Variants in KDM2B observed in about 807,000 individuals in gnomAD.
The protein encoded by KDM2B is lysine demethylase 2B.
In KDM2B, 26 loss-of-function variants were observed where a neutral mutation model predicts 150.0. The ratio of observed to expected loss-of-function variants is 0.17; its 90% CI spans 0.13 to 0.24. The LOEUF (loss-of-function observed/expected upper bound fraction) is 0.24. Among genes scored for constraint, KDM2B ranks in the 10% least tolerant of loss-of-function variants. The pLI, the probability that KDM2B is intolerant of heterozygous loss-of-function variation, is 1.00. For synonymous variants in KDM2B, 734 were observed against 729.5 expected (o/e 1.01, Z -0.10); for missense variants, 1,265 against 1,816.9 (o/e 0.70, Z 5.52).
At chr12:121,574,054 C>T (rs1412076842) in intron 4 of KDM2B, among the ~76,000 whole-genome samples, 5 of 152,222 alleles carry the variant, frequency 3.3e-5, no homozygotes, top group Non-Finnish European at 7.4e-5. Context: ...TACTACTGGC[C>T]GAGCGTCCAG....
At position 121,533,632 on chromosome 12, in the gene KDM2B, A is replaced by G. The variant is rs1254366688; in HGVS notation, c.778-673T>C. On this transcript the variant is annotated intron_variant, in intron 7 of 22. Transcript: ENST00000377071. This position sits in a 1 kb window ranked among gnomAD's most constrained non-coding sequence, Gnocchi z 4.1. ...TAAAGTAAAAAGGTCCCAGGGCAGG[A>G]GCTGAGATGACAGCCAGAGAAGATG... is the stretch of plus-strand genomic sequence containing the variant. Among the ~76,000 whole-genome samples the G allele has an allele frequency of 1.3e-4, 20 of 152,304 alleles. No individual in the cohort carries two copies. The highest frequency in any genetic ancestry group is 7.2e-4 in the Admixed American group (11 of 15,296).
intron 11 of KDM2B, among the ~76,000 whole-genome samples, chr12:121,496,634 A>G (rs1187586633): frequency 2.6e-5 from 4 of 151,920 alleles, no homozygotes; most frequent in African/African-American, 9.7e-5. Flanking sequence ...AGCCGGGACT[A>G]CAAGTGCGTA....
chr12:121,418,948 C>G, the KDM2B span, among the ~76,000 whole-genome samples: 6 of 152,302 alleles, frequency 3.9e-5, no homozygotes, highest in East Asian at 1.2e-3. Flanking sequence ...CTCAGGTTAT[C>G]TACCTGCCTT....
chr12:121,495,892 G>A (rs1048930229), intron 11 of KDM2B, among the ~76,000 whole-genome samples: 2 of 151,650 alleles, frequency 1.3e-5, no homozygotes, highest in Non-Finnish European at 1.5e-5. Context: ...AATGGGCTGC[G>A]TTGGACGGAC....
At chr12:121,483,326 G>A (rs1882366717) in intron 12 of KDM2B, among the ~76,000 whole-genome samples, 1 of 152,010 alleles carries the variant, frequency 6.6e-6, no homozygotes. Context: ...CAAGATGCTA[G>A]TGGAGGCTCC....
chr12:121,562,043 G>A (rs1219325573), intron 4 of KDM2B, among the ~76,000 whole-genome samples: 2 of 151,260 alleles, frequency 1.3e-5, no homozygotes, highest in Admixed American at 6.6e-5. Context: ...GTGGTGGTGC[G>A]AGCCTATAAT....
intron 13 of KDM2B, among the ~76,000 whole-genome samples, chr12:121,447,931 G>A (rs1243609483): frequency 6.6e-6 from 1 of 151,502 alleles, no homozygotes; most frequent in Non-Finnish European, 1.5e-5. Context: ...TGTTGTGATT[G>A]CAGGCATTAG....
chr12:121,534,413 TG>T (rs2141577060), intron 7 of KDM2B, 83 bp downstream of exon 7: 2 of 919,428 alleles, frequency 2.2e-6, no homozygotes, highest in Non-Finnish European at 3.5e-6. Flanking sequence ...AGGAGGGAGG[TG>T]GGAGGAGAGG....
At position 121,476,715 on chromosome 12, in the gene KDM2B, C is replaced by T. The variant is rs141403751; in HGVS notation, c.1734+17864G>A. Among the ~76,000 whole-genome samples the T allele has an allele frequency of 3.5e-4, 54 of 152,188 alleles. 1 individual carries two copies. The South Asian group carries it at 6.9e-3, about 19-fold the overall frequency. ...TAATTCCAATACATATGGCTTTTCT[C>T]TCCCTCCTTCCTTCCCTCCCTCCTC... On this transcript the variant is annotated intron_variant, in intron 12 of 22. Coordinates refer to ENST00000377071, the MANE Select transcript of KDM2B (RefSeq NM_032590.5).
chr12:121,442,686 G>C lies in KDM2B; in HGVS notation c.2755C>G (p.Pro919Ala). 1 of 1,600,370 alleles carries C rather than the reference G, an allele frequency of 6.2e-7. No homozygotes were observed. Among genetic ancestry groups the C allele is most frequent in the Non-Finnish European group, 8.5e-7 (1 of 1,174,094 alleles). The change falls in exon 19 of 23, where the codon CCC becomes GCC. Residue 919 changes from proline to alanine, a missense_variant. Coordinates refer to ENST00000377071, the MANE Select transcript of KDM2B (RefSeq NM_032590.5). This position sits in a 1 kb window ranked among gnomAD's most constrained non-coding sequence, Gnocchi z 7.7. Reference protein sequence around the residue: ...HSRSSSPTAGPSTEGAEGPEE... With the variant: ...HSRSSSPTAGASTEGAEGPEE... Reference sequence around the variant, plus strand: ...GGGCCCTCGGCCCCTTCGGTGCTGGGTCCCGCGGTGGGGGAGCTGGAGCGG... The same window carrying C: ...GGGCCCTCGGCCCCTTCGGTGCTGGCTCCCGCGGTGGGGGAGCTGGAGCGG...
At chr12:121,477,651 C>T (rs782532044) in intron 12 of KDM2B, among the ~76,000 whole-genome samples, 27 of 145,030 alleles carry the variant, frequency 1.9e-4, no homozygotes, top group Non-Finnish European at 3.6e-4. Context: ...GATCTCGGTT[C>T]ACTGCAACTT....
intron 12 of KDM2B, among the ~76,000 whole-genome samples, chr12:121,478,896 T>G (rs1321932573): frequency 4.1e-5 from 1 of 24,320 alleles, no homozygotes; most frequent in African/African-American, 1.5e-4. Flanking sequence ...GTGTGTGTGT[T>G]TTGTAGAGAC....
chr12:121,420,166 C>T, the KDM2B span: 3 of 1,298,874 alleles, frequency 2.3e-6, no homozygotes, highest in Non-Finnish European at 3.3e-6. Flanking sequence ...TCATGGGGAG[C>T]ATCAATGACA....
At chr12:121,519,201 C>T (rs370835056) in intron 9 of KDM2B, among the ~76,000 whole-genome samples, 2 of 152,312 alleles carry the variant, frequency 1.3e-5, no homozygotes, top group South Asian at 2.1e-4. Context: ...CCCACAATGC[C>T]GGGACTGTTC....
chr12:121,453,069 G>T lies in KDM2B; in HGVS notation c.1959+51C>A. ...CGAGCAGCGGTCAGACACGCGGGCCGGCACGCAGGGGCCTGAATCGAGCGC... is the reference window on the plus strand; with the variant it reads ...CGAGCAGCGGTCAGACACGCGGGCCTGCACGCAGGGGCCTGAATCGAGCGC... On this transcript the variant is annotated intron_variant, in intron 13 of 22. Coordinates refer to ENST00000377071, the MANE Select transcript of KDM2B (RefSeq NM_032590.5). This position sits in a 1 kb window ranked among gnomAD's most constrained non-coding sequence, Gnocchi z 6.4. 1 of 1,468,696 alleles carries T rather than the reference G, an allele frequency of 6.8e-7. No homozygotes were observed. Among genetic ancestry groups the T allele is most frequent in the Non-Finnish European group, 9.2e-7 (1 of 1,092,168 alleles). 91.0% of individuals were successfully genotyped at this position (1,468,696 alleles called of 1,614,324 possible).
intron 6 of KDM2B, among the ~76,000 whole-genome samples, chr12:121,541,352 T>G (rs546991213): frequency 1.9e-4 from 25 of 130,916 alleles, no homozygotes; most frequent in African/African-American, 7.2e-4. Flanking sequence ...ACTGTGATTG[T>G]GCCACTGCAC....
chr12:121,474,283 G>A (rs1881098153), intron 12 of KDM2B, among the ~76,000 whole-genome samples: 1 of 152,168 alleles, frequency 6.6e-6, no homozygotes, highest in African/African-American at 2.4e-5. Context: ...GGAGGCCGAG[G>A]TGGGCAGATC....
At position 121,575,480 on chromosome 12, in the gene KDM2B, A is replaced by G. The variant is rs1555316733; in HGVS notation, c.350+301T>C. ...CTCCTGATCTGGAGCAAGGGGAAGGAGGAGAGGTACAATTCTCTGTAGGAG... is the reference window on the plus strand; with the variant it reads ...CTCCTGATCTGGAGCAAGGGGAAGGGGGAGAGGTACAATTCTCTGTAGGAG... On this transcript the variant is annotated intron_variant, in intron 3 of 22. Transcript: ENST00000377071. This position sits in a 1 kb window ranked among gnomAD's most constrained non-coding sequence, Gnocchi z 4.4. Among the ~76,000 whole-genome samples, 1 of 152,214 alleles carries G rather than the reference A, an allele frequency of 6.6e-6. No homozygotes were observed. The highest frequency in any genetic ancestry group is 1.9e-4 in the East Asian group (1 of 5,204).
intron 21 of KDM2B, 139 bp downstream of exon 21, chr12:121,440,677 T>A: frequency 1.2e-6 from 1 of 857,704 alleles, no homozygotes; most frequent in Non-Finnish European, 1.8e-6. Flanking sequence ...CCTCTGTGCC[T>A]GAAGCAAACT....
Sources: allele counts gnomAD v4.1 joint callset (sites outside exome capture counted in the v4.1 genomes callset), GRCh38; gene constraint gnomAD v4.1.1; non-coding constraint Gnocchi (gnomAD v3.1); transcripts MANE v1.5; gene names NCBI Gene and HGNC (gene_info 2026-07-23, HGNC 2026-07-21).